The following SAMD3 variants were observed in gnomAD, a reference collection of about 807,000 sequenced individuals.
SAMD3 encodes the protein sterile alpha motif domain containing 3, also known as sterile alpha motif domain-containing protein 3.
A neutral mutation model predicts 58.5 loss-of-function variants in SAMD3; 63 were observed. The observed-to-expected ratio is 1.08, with a 90% confidence interval of 0.88 to 1.33. The LOEUF (loss-of-function observed/expected upper bound fraction) is 1.33, where lower values mean the gene tolerates loss of function less well. SAMD3 is among the 40% of genes most tolerant of loss of function. SAMD3 has a pLI of 0.00. For synonymous variants in SAMD3, 220 were observed against 210.3 expected (o/e 1.05, Z -0.40); for missense variants, 604 against 608.4 (o/e 0.99, Z 0.08).
intron 2 of SAMD3, among the ~76,000 whole-genome samples, chr6:130,264,702 T>C (rs1583024691): frequency 6.6e-6 from 1 of 152,336 alleles, no homozygotes; most frequent in Admixed American, 6.5e-5. Context: ...GTCAATATTT[T>C]AGTGGGTGAC....
intron 2 of SAMD3, among the ~76,000 whole-genome samples, chr6:130,245,699 T>C (rs1773518703): frequency 6.6e-6 from 1 of 151,984 alleles, no homozygotes; most frequent in South Asian, 2.1e-4. Context: ...CCTCAGGGAG[T>C]GTAATGAAAC....
At chr6:130,173,106 A>G (rs1791394031) in intron 8 of SAMD3, among the ~76,000 whole-genome samples, 1 of 152,112 alleles carries the variant, frequency 6.6e-6, no homozygotes, top group Non-Finnish European at 1.5e-5. Context: ...GTAACCTTTT[A>G]TCAAGGTTCT....
intron 2 of SAMD3, among the ~76,000 whole-genome samples, chr6:130,259,522 G>T (rs1356296157): frequency 1.3e-5 from 2 of 152,080 alleles, no homozygotes; most frequent in Non-Finnish European, 2.9e-5. Context: ...CTTCAACATT[G>T]GGAATAAAAT....
intron 2 of SAMD3, among the ~76,000 whole-genome samples, chr6:130,293,855 A>G (rs1775467200): frequency 6.6e-6 from 1 of 152,028 alleles, no homozygotes; most frequent in Non-Finnish European, 1.5e-5. Context: ...TTTTCTTGAT[A>G]GGGATTGGCT....
At chr6:130,157,185 T>C (rs1789867992) in intron 8 of SAMD3, among the ~76,000 whole-genome samples, 1 of 151,898 alleles carries the variant, frequency 6.6e-6, no homozygotes, top group Non-Finnish European at 1.5e-5. Flanking sequence ...ATATACTGCA[T>C]TAATTAACTA....
chr6:130,195,070 A>G (rs557371991), intron 5 of SAMD3, among the ~76,000 whole-genome samples: 3,845 of 152,084 alleles, frequency 0.025, 66 homozygotes, highest in Middle Eastern at 0.041. Flanking sequence ...CCCCTTTTTA[A>G]TTATCCCCAC....
chr6:130,211,275 AATTTTTT>A (rs145294034), intron 4 of SAMD3, among the ~76,000 whole-genome samples: 53,112 of 133,944 alleles, frequency 0.4, 10,146 homozygotes, highest in African/African-American at 0.5. Flanking sequence ...TGCCAATCAG[AATTTTTT>A]TTTTTTTTTT....
At chr6:130,187,376 T>C (rs537038773) in intron 5 of SAMD3, among the ~76,000 whole-genome samples, 2 of 152,090 alleles carry the variant, frequency 1.3e-5, no homozygotes, top group Non-Finnish European at 2.9e-5. Context: ...ACATCCACAA[T>C]GTAGCTAGAC....
At chr6:130,204,263 CAG>C (rs1245844849) in intron 5 of SAMD3, among the ~76,000 whole-genome samples, 1 of 152,060 alleles carries the variant, frequency 6.6e-6, no homozygotes, top group Non-Finnish European at 1.5e-5. Flanking sequence ...CAGTTTCAAA[CAG>C]GGTAGACAAA....
At chr6:130,244,036 A>C (rs1298871883) in intron 2 of SAMD3, among the ~76,000 whole-genome samples, 1 of 152,226 alleles carries the variant, frequency 6.6e-6, no homozygotes, top group African/African-American at 2.4e-5. Flanking sequence ...TCAGTTTGCA[A>C]ATACAAAAAA....
chr6:130,207,169 A>AAAAAAAAAAAG (rs761201989), intron 5 of SAMD3, among the ~76,000 whole-genome samples: 7 of 140,912 alleles, frequency 5.0e-5, no homozygotes, highest in South Asian at 2.2e-4. Context: ...CAAAAAAAAA[A>AAAAAAAAAAAG]AAAGAAAAAA....
chr6:130,214,605 T>TTCAGA, intron 3 of SAMD3, 79 bp from the exon 4 acceptor site: 1 of 1,006,758 alleles, frequency 9.9e-7, no homozygotes, highest in Non-Finnish European at 1.4e-6. Flanking sequence ...AAATTACCTC[T>TTCAGA]AGTGATAAAA....
chr6:130,174,004 AG>A (rs537139744), intron 8 of SAMD3, among the ~76,000 whole-genome samples: 56 of 152,312 alleles, frequency 3.7e-4, no homozygotes, highest in African/African-American at 1.3e-3. Flanking sequence ...CTAAAGCCCC[AG>A]TAATGGCGGA....
At chr6:130,145,923 G>T in intron 10 of SAMD3, 87 bp downstream of exon 10, 1 of 729,644 alleles carries the variant, frequency 1.4e-6, no homozygotes, top group Non-Finnish European at 2.0e-6. Flanking sequence ...GTAAACTACT[G>T]AATTTTACTG....
At chr6:130,191,887 C>T (rs1388930803) in intron 5 of SAMD3, among the ~76,000 whole-genome samples, 1 of 152,256 alleles carries the variant, frequency 6.6e-6, no homozygotes, top group African/African-American at 2.4e-5. Context: ...TGTGAATTCT[C>T]AGATCCAGTC....
upstream of SAMD3, among the ~76,000 whole-genome samples, chr6:130,226,109 C>A (rs987994121): frequency 1.3e-5 from 2 of 152,210 alleles, no homozygotes; most frequent in African/African-American, 2.4e-5. Context: ...ATTAGTGAAG[C>A]TGTCATTCTA....
At chr6:130,272,824 A>G (rs892064286) in intron 2 of SAMD3, among the ~76,000 whole-genome samples, 1 of 152,178 alleles carries the variant, frequency 6.6e-6, no homozygotes, top group African/African-American at 2.4e-5. Context: ...GATTCCTGGG[A>G]CATGCCACCA....
intron 2 of SAMD3, among the ~76,000 whole-genome samples, chr6:130,259,636 C>T (rs1583018082): frequency 1.3e-5 from 2 of 152,114 alleles, no homozygotes; most frequent in African/African-American, 4.8e-5. Flanking sequence ...TGTCTCAGTA[C>T]CCGATTTAGA....
intron 2 of SAMD3, among the ~76,000 whole-genome samples, chr6:130,265,356 TAAC>T (rs1308713334): frequency 6.6e-6 from 1 of 152,134 alleles, no homozygotes; most frequent in Non-Finnish European, 1.5e-5. Flanking sequence ...CTGAAGAAGA[TAAC>T]AAGCCCTGCT....
Sources: gnomAD v4.1 joint callset for allele counts (sites outside exome capture counted in the v4.1 genomes callset) on GRCh38, gnomAD v4.1.1 for gene constraint, MANE v1.5 for transcripts, NCBI Gene and HGNC (gene_info 2026-07-23, HGNC 2026-07-21) for gene names.